The following SH3GL3 variants were observed in gnomAD, a reference collection of about 807,000 sequenced individuals.
SH3GL3 encodes SH3 domain containing GRB2 like 3, endophilin A3.
SH3GL3 carries 33 observed loss-of-function variants against 47.7 expected under a neutral mutation model. The ratio of observed to expected loss-of-function variants is 0.69; its 90% CI spans 0.52 to 0.92. SH3GL3 has a LOEUF of 0.92. Ranked by LOEUF, SH3GL3 falls within the 40% of genes least tolerant of loss-of-function variation. SH3GL3 has a pLI of 0.00. For missense variants in SH3GL3, 363 were observed against 417.8 expected (o/e 0.87, Z 1.14); for synonymous variants, 155 against 148.8 (o/e 1.04, Z -0.30).
rs568138394 is a variant in SH3GL3, at chr15:83,555,029, C to T, written c.46-4224C>T. 3.9e-5 allele frequency among the ~76,000 whole-genome samples: 6 copies of T among 152,202 alleles called. No homozygotes were observed. In the South Asian group the frequency reaches 1.2e-3, roughly 32 times the overall value. On this transcript the variant is annotated intron_variant, in intron 1 of 8. Coordinates refer to ENST00000427482, the MANE Select transcript of SH3GL3 (RefSeq NM_003027.5). Reference sequence around the variant, plus strand: ...ATCTTGGAATCTCTCACTTATCCTTCATATCTATTAACTGATATTTCCTTA... The same window carrying T: ...ATCTTGGAATCTCTCACTTATCCTTTATATCTATTAACTGATATTTCCTTA...
At chr15:83,584,889 T>C (rs1229566921) in intron 6 of SH3GL3, among the ~76,000 whole-genome samples, 1 of 152,242 alleles carries the variant, frequency 6.6e-6, no homozygotes, top group Non-Finnish European at 1.5e-5. Context: ...AGAAATGTTT[T>C]ACCTTTTGGT....
intron 1 of SH3GL3, among the ~76,000 whole-genome samples, chr15:83,463,715 A>G (rs985483975): frequency 2.7e-5 from 4 of 146,606 alleles, no homozygotes; most frequent in Non-Finnish European, 6.0e-5. Flanking sequence ...CCCCTGTCCT[A>G]TTTAAATATT....
At chr15:83,496,358 C>CA (rs57113409) in intron 1 of SH3GL3, among the ~76,000 whole-genome samples, 1,080 of 89,306 alleles carry the variant, frequency 0.012, 8 homozygotes, top group African/African-American at 0.016. Context: ...GATTATGTCT[C>CA]AAAAAAAAAA....
At chr15:83,504,549 C>T (rs908422983) in intron 1 of SH3GL3, among the ~76,000 whole-genome samples, 2 of 152,222 alleles carry the variant, frequency 1.3e-5, no homozygotes, top group Non-Finnish European at 2.9e-5. Context: ...AAGCCAGTTG[C>T]CATGTCTTGA....
intron 3 of SH3GL3, 87 bp downstream of exon 3, chr15:83,565,293 A>C (rs1348569211): frequency 1.2e-6 from 1 of 812,414 alleles, no homozygotes; most frequent in Non-Finnish European, 2.1e-6. Context: ...ATAATGTAGA[A>C]ACAATGTCGT....
In SH3GL3 at chr15:83,618,689, A is replaced by T. The variant is rs2060891355; in HGVS notation, c.*402A>T. The stretch of plus-strand genomic sequence containing the variant: ...ACGTCTGGTCTTTTCTTTTCATTGT[A>T]TTTTAAGCTTACCTGTGAATAGCCC... On this transcript the variant is annotated 3_prime_UTR_variant, in exon 9 of 9. Coordinates refer to ENST00000427482, the MANE Select transcript of SH3GL3 (RefSeq NM_003027.5). 1 of 196,036 alleles carries T rather than the reference A, an allele frequency of 5.1e-6. No homozygotes were observed. Among genetic ancestry groups the T allele is most frequent in the Non-Finnish European group, 1.1e-5 (1 of 93,668 alleles). 12.1% of individuals were successfully genotyped at this position (196,036 alleles called of 1,614,324 possible). A position where few individuals can be genotyped will look rare whatever the true frequency, so the allele number is the denominator to read the frequency against.
downstream of SH3GL3, among the ~76,000 whole-genome samples, chr15:83,621,804 C>T (rs994455670): frequency 3.3e-5 from 5 of 152,226 alleles, no homozygotes; most frequent in African/African-American, 9.6e-5. Flanking sequence ...TCACTGCACA[C>T]TTAAGTGTTC....
chr15:83,489,837 C>CGATAGATAGATA (rs60233650), intron 1 of SH3GL3, among the ~76,000 whole-genome samples: 88 of 144,750 alleles, frequency 6.1e-4, no homozygotes, highest in East Asian at 1.4e-3. Context: ...TGTCAGAAGC[C>CGATAGATAGATA]GATAGATAGA....
chr15:83,586,888 C>T, intron 6 of SH3GL3, 95 bp from the exon 7 acceptor site: 1 of 597,792 alleles, frequency 1.7e-6, no homozygotes, highest in Non-Finnish European at 3.0e-6. Context: ...CACTGGTCTT[C>T]CCTGCAAAGC....
intron 1 of SH3GL3, among the ~76,000 whole-genome samples, chr15:83,477,996 C>T (rs1405802295): frequency 6.6e-6 from 1 of 152,064 alleles, no homozygotes; most frequent in African/African-American, 2.4e-5. Flanking sequence ...TGGATTTGCT[C>T]ACTTAGGCCT....
At chr15:83,632,405 C>T in the SH3GL3 span, among the ~76,000 whole-genome samples, 10 of 152,344 alleles carry the variant, frequency 6.6e-5, no homozygotes, top group Admixed American at 6.5e-5. Flanking sequence ...CATTAGATAG[C>T]TTGCCCTGTA....
At chr15:83,616,825 G>A (rs1380530596) in intron 8 of SH3GL3, among the ~76,000 whole-genome samples, 1 of 151,830 alleles carries the variant, frequency 6.6e-6, no homozygotes, top group African/African-American at 2.4e-5. Context: ...ATGAAGGAAG[G>A]AAGGAAAAGA....
At chr15:83,582,467 G>A (rs532801773) in intron 6 of SH3GL3, among the ~76,000 whole-genome samples, 5 of 152,174 alleles carry the variant, frequency 3.3e-5, no homozygotes, top group African/African-American at 9.6e-5. Flanking sequence ...TGTCTCTGTG[G>A]TCACATAAGT....
intron 8 of SH3GL3, among the ~76,000 whole-genome samples, chr15:83,603,830 A>T (rs2060448588): frequency 6.6e-6 from 1 of 152,194 alleles, no homozygotes. Context: ...GTTTTGCCAT[A>T]ATCTAACAGG....
chr15:83,529,417 C>A (rs928640971), intron 1 of SH3GL3, among the ~76,000 whole-genome samples: 20 of 152,160 alleles, frequency 1.3e-4, no homozygotes, highest in African/African-American at 4.3e-4. Context: ...AACCCTTAGG[C>A]TTCCAGGCAG....
At chr15:83,487,981 T>C (rs1264460903) in intron 1 of SH3GL3, 1 of 152,016 alleles carries the variant, frequency 6.6e-6, no homozygotes, top group Non-Finnish European at 1.5e-5. Flanking sequence ...GTTCAAGTGA[T>C]TCCCCTGCCT....
At chr15:83,544,333 T>C (rs923367559) in intron 1 of SH3GL3, among the ~76,000 whole-genome samples, 8 of 152,130 alleles carry the variant, frequency 5.3e-5, no homozygotes, top group Non-Finnish European at 8.8e-5. Context: ...GTTTCTATTA[T>C]TGATTTCTAG....
chr15:83,587,082 A>G lies in SH3GL3; in HGVS notation c.724A>G (p.Met242Val). Residue 242 changes from methionine to valine, a missense_variant, in exon 7 of 9, where the codon ATG (methionine) becomes GTG (valine). By Grantham distance (21) the Met-to-Val change is conservative. Transcript: ENST00000427482. ...ILQELQSKLQ[M>V]RISAASSVPR... ...GCAGGAGCTGCAGAGCAAGCTACAG[A>G]TGCGGTAAGCACCTCCACGTTTCTT... 6.3e-7 allele frequency: 1 copy of G among 1,580,062 alleles called. No individual in the cohort carries two copies. Among genetic ancestry groups the G allele is most frequent in the African/African-American group, 1.4e-5 (1 of 74,006 alleles).
intron 1 of SH3GL3, among the ~76,000 whole-genome samples, chr15:83,472,932 T>C (rs992661548): frequency 2.6e-5 from 4 of 152,100 alleles, no homozygotes; most frequent in African/African-American, 9.7e-5. Context: ...ACACTCAAGG[T>C]GGGGTCTCAT....
Sources: gnomAD v4.1 joint callset for allele counts (sites outside exome capture counted in the v4.1 genomes callset) on GRCh38, gnomAD v4.1.1 for gene constraint, MANE v1.5 for transcripts, NCBI Gene and HGNC (gene_info 2026-07-23, HGNC 2026-07-21) for gene names.